The following GMDS variants were observed in gnomAD, a reference collection of about 807,000 sequenced individuals.
The protein encoded by GMDS is GDP-mannose 4,6 dehydratase.
GMDS carries 20 observed loss-of-function variants against 49.9 expected under a neutral mutation model. The observed-to-expected ratio is 0.40, with a 90% confidence interval of 0.28 to 0.58. The LOEUF (loss-of-function observed/expected upper bound fraction) is 0.58. GMDS is among the 20% of genes least tolerant of loss of function. The probability of loss-of-function intolerance (pLI) is 0.42; values close to 1 mark genes in which losing one functional copy is unlikely to be tolerated. For synonymous variants in GMDS, 177 were observed against 178.6 expected (o/e 0.99, Z 0.07); for missense variants, 362 against 481.4 (o/e 0.75, Z 2.32).
chr6:1,820,556 T>C (rs892016234), intron 7 of GMDS, among the ~76,000 whole-genome samples: 3 of 152,212 alleles, frequency 2.0e-5, no homozygotes, highest in Admixed American at 1.3e-4. Context: ...GTCCAAAATC[T>C]GTTTACTGCA....
intron 9 of GMDS, among the ~76,000 whole-genome samples, chr6:1,723,312 C>A (rs67558222): frequency 7.2e-5 from 10 of 138,978 alleles, no homozygotes; most frequent in Non-Finnish European, 1.2e-4. Flanking sequence ...TTTTTTTTTT[C>A]AAATTTTCTT....
intron 4 of GMDS, among the ~76,000 whole-genome samples, chr6:1,972,841 C>A (rs1189217363): frequency 6.6e-6 from 1 of 152,184 alleles, no homozygotes; most frequent in Non-Finnish European, 1.5e-5. Context: ...GCTATAATCA[C>A]AAACCTGGTT....
intron 2 of GMDS, among the ~76,000 whole-genome samples, chr6:2,118,863 T>C (rs2127502539): frequency 6.6e-6 from 1 of 152,356 alleles, no homozygotes; most frequent in East Asian, 1.9e-4. Context: ...AATTTAAACG[T>C]GGAGAAAACA....
intron 2 of GMDS, among the ~76,000 whole-genome samples, chr6:2,123,552 T>C (rs2127508234): frequency 6.6e-6 from 1 of 152,334 alleles, no homozygotes; most frequent in Non-Finnish European, 1.5e-5. Context: ...TTAACAGATA[T>C]TAAGGCGTTA....
intron 7 of GMDS, among the ~76,000 whole-genome samples, chr6:1,875,680 T>C (rs904846885): frequency 3.3e-5 from 5 of 152,188 alleles, no homozygotes; most frequent in Non-Finnish European, 1.5e-5. Context: ...TATTGTCATA[T>C]ATTAAATTTA....
chr6:2,067,217 G>C (rs1304582757), intron 4 of GMDS, among the ~76,000 whole-genome samples: 5 of 152,022 alleles, frequency 3.3e-5, no homozygotes, highest in Non-Finnish European at 7.4e-5. Flanking sequence ...TGAAACCAAT[G>C]AGAACAAAGA....
chr6:1,842,417 A>G (rs745453499), intron 7 of GMDS, among the ~76,000 whole-genome samples: 25 of 152,186 alleles, frequency 1.6e-4, no homozygotes, highest in Non-Finnish European at 3.1e-4. Flanking sequence ...AACTCTAGCT[A>G]GGGAGATGGG....
chr6:1,805,563 A>G (rs1770140226), intron 7 of GMDS, among the ~76,000 whole-genome samples: 1 of 152,212 alleles, frequency 6.6e-6, no homozygotes, highest in South Asian at 2.1e-4. Flanking sequence ...TGGCATCCAC[A>G]TTCTTTCACC....
chr6:2,115,891 C>G lies in GMDS; in HGVS notation c.236-11G>C. 1 of 1,388,968 alleles carries G rather than the reference C, an allele frequency of 7.2e-7. No homozygotes were observed. The highest frequency in any genetic ancestry group is 2.3e-5 in the East Asian group (1 of 43,850). The allele number at this position is 1,388,968 out of a possible 1,614,324, so 86.0% of individuals were successfully genotyped here. On this transcript the variant is annotated splice_polypyrimidine_tract_variant and intron_variant, in intron 3 of 10. Coordinates refer to ENST00000380815, the MANE Select transcript of GMDS (RefSeq NM_001500.4). ...AGTGCAACTTCATGTCTTCAGGATA[C>G]AAAAACATCCCATTAGATAGAGAAA...
chr6:1,709,372 T>C (rs1421470648), intron 9 of GMDS, among the ~76,000 whole-genome samples: 2 of 152,232 alleles, frequency 1.3e-5, no homozygotes, highest in Non-Finnish European at 2.9e-5. Flanking sequence ...GCCTGGAAAC[T>C]GGCTGTGCCA....
At chr6:1,839,030 T>C (rs2113742434) in intron 7 of GMDS, among the ~76,000 whole-genome samples, 1 of 152,298 alleles carries the variant, frequency 6.6e-6, no homozygotes, top group East Asian at 1.9e-4. Context: ...TATTATACCT[T>C]TAGCCGACAT....
intron 4 of GMDS, chr6:2,043,546 A>C (rs1769814092): frequency 6.6e-6 from 1 of 152,248 alleles, no homozygotes; most frequent in South Asian, 2.1e-4. Context: ...CCATATGGTA[A>C]GCACTCATTT....
At chr6:1,993,584 G>A (rs945176734) in intron 4 of GMDS, among the ~76,000 whole-genome samples, 3 of 152,096 alleles carry the variant, frequency 2.0e-5, no homozygotes, top group Admixed American at 6.5e-5. Context: ...AAAGTGCGAC[G>A]GAAGCTCTGT....
chr6:1,971,058 T>G (rs2246445), intron 4 of GMDS, among the ~76,000 whole-genome samples: 98,744 of 151,336 alleles, frequency 0.65, 32,470 homozygotes, highest in African/African-American at 0.73. Flanking sequence ...AAGGGGGCAG[T>G]GATCATCAGC....
intron 1 of GMDS, among the ~76,000 whole-genome samples, chr6:2,202,854 T>A (rs1779612992): frequency 6.6e-6 from 1 of 152,058 alleles, no homozygotes; most frequent in African/African-American, 2.4e-5. Context: ...ACAAAGAAGG[T>A]TCCAGATTGT....
intron 6 of GMDS, among the ~76,000 whole-genome samples, chr6:1,941,257 A>ATTTTT (rs1408252366): frequency 6.6e-6 from 1 of 152,112 alleles, no homozygotes; most frequent in Non-Finnish European, 1.5e-5. Flanking sequence ...ACATTTGGGA[A>ATTTTT]CTATTTATGT....
intron 1 of GMDS, among the ~76,000 whole-genome samples, chr6:2,230,540 A>G (rs1422267558): frequency 6.6e-6 from 1 of 152,222 alleles, no homozygotes; most frequent in Non-Finnish European, 1.5e-5. Flanking sequence ...TTTCCATAGT[A>G]ACAATCTGGC....
chr6:2,187,964 A>G (rs1778852489), intron 1 of GMDS, among the ~76,000 whole-genome samples: 2 of 152,246 alleles, frequency 1.3e-5, no homozygotes, highest in Middle Eastern at 3.2e-3. Flanking sequence ...CTAGGAAAGG[A>G]GAACAGTCAA....
At chr6:1,850,652 A>C (rs1344917019) in intron 7 of GMDS, among the ~76,000 whole-genome samples, 3 of 152,210 alleles carry the variant, frequency 2.0e-5, no homozygotes, top group African/African-American at 7.2e-5. Context: ...GGGTCAAACG[A>C]GGGCTAGGAG....
Sources: gnomAD v4.1 joint callset for allele counts (sites outside exome capture counted in the v4.1 genomes callset) on GRCh38, gnomAD v4.1.1 for gene constraint, MANE v1.5 for transcripts, NCBI Gene and HGNC (gene_info 2026-07-23, HGNC 2026-07-21) for gene names.